Variants in PAPSS2 observed in about 807,000 individuals in gnomAD.
The protein encoded by PAPSS2 is bifunctional 3'-phosphoadenosine 5'-phosphosulfate synthase 2.
In PAPSS2, 61 loss-of-function variants were observed where a neutral mutation model predicts 66.5. The observed-to-expected ratio is 0.92, with a 90% CI of 0.75 to 1.14. The LOEUF is 1.14. PAPSS2 is among the 50% of genes most tolerant of loss of function. The pLI is 0.00. For synonymous variants in PAPSS2, 289 were observed against 287.5 expected (o/e 1.01, Z -0.05); for missense variants, 708 against 789.6 (o/e 0.90, Z 1.24).
chr10:87,722,556 T>C (rs1298821740), intron 8 of PAPSS2, among the ~76,000 whole-genome samples: 1 of 152,158 alleles, frequency 6.6e-6, no homozygotes, highest in African/African-American at 2.4e-5. Context: ...ATAAGCTATC[T>C]CTTGGACTTA....
At chr10:87,690,749 C>G (rs1025979843) in intron 1 of PAPSS2, among the ~76,000 whole-genome samples, 1 of 152,172 alleles carries the variant, frequency 6.6e-6, no homozygotes, top group African/African-American at 2.4e-5. Context: ...TTATTGAGAG[C>G]TTAACTAAGA....
rs10553485 is a variant in PAPSS2 at position 87,736,263 on chromosome 10, CTTTTTTTT to C, written c.1087-4957_1087-4950del. ...TGCCATGTTTTTCTTTTCTTTCTTTCTTTTTTTTTTTTTTTTTTTTTTGAGACAGAGTC... is the reference window on the plus strand; with the variant it reads ...TGCCATGTTTTTCTTTTCTTTCTTTCTTTTTTTTTTTTTTGAGACAGAGTC... On this transcript the variant is annotated intron_variant, in intron 9 of 12. Transcript: ENST00000456849. 6.9e-3 allele frequency among the ~76,000 whole-genome samples: 709 copies of C among 103,236 alleles called. 5 individuals are homozygous for C. The highest frequency in any genetic ancestry group is 0.025 in the African/African-American group (673 of 26,462). 67.7% of individuals were successfully genotyped at this position (103,236 alleles called of 152,430 possible).
At chr10:87,743,937 A>G (rs1209549110) in intron 11 of PAPSS2, among the ~76,000 whole-genome samples, 2 of 152,128 alleles carry the variant, frequency 1.3e-5, no homozygotes, top group Non-Finnish European at 2.9e-5. Context: ...CCCTGTCTCT[A>G]CTAAAAATAC....
At chr10:87,739,222 A>C (rs969396929) in intron 9 of PAPSS2, among the ~76,000 whole-genome samples, 1 of 152,186 alleles carries the variant, frequency 6.6e-6, no homozygotes, top group Non-Finnish European at 1.5e-5. Context: ...ATTCCTTTGC[A>C]TGTGGATATC....
At chr10:87,715,675 C>T in intron 6 of PAPSS2, 57 bp from the exon 7 acceptor site, 1 of 1,084,096 alleles carries the variant, frequency 9.2e-7, no homozygotes, top group East Asian at 2.4e-5. Context: ...TCCCTGGGGC[C>T]AGATGCCTGG....
At chr10:87,717,764 T>A (rs1853549645) in intron 7 of PAPSS2, among the ~76,000 whole-genome samples, 1 of 152,090 alleles carries the variant, frequency 6.6e-6, no homozygotes, top group African/African-American at 2.4e-5. Context: ...AAGGTCTCAC[T>A]ATGTTGCCCA....
Position 87,705,267 on chromosome 10 carries a change from C to T in PAPSS2, c.28-3929C>T, listed in dbSNP as rs553763655. On this transcript the variant is annotated intron_variant, in intron 1 of 12. Transcript: ENST00000456849. ...TATTCCGTGTATTAATAGTCCATTCCTTTTGATTATTGAATAGTATAACCA... is the reference window on the plus strand; with the variant it reads ...TATTCCGTGTATTAATAGTCCATTCTTTTTGATTATTGAATAGTATAACCA... Among the ~76,000 whole-genome samples the T allele has an allele frequency of 1.1e-4, 16 of 152,276 alleles. No homozygotes were observed. In the South Asian group the frequency reaches 3.3e-3, roughly 32 times the overall value.
In PAPSS2 at chr10:87,684,213, C is replaced by G. The variant is rs73340815; in HGVS notation, c.27+24205C>G. ...AATCCTGTTTTGTTTCAATCCTAGTCTTTCCCCTCAGGAGCTAGGTTTTTG... is the reference window on the plus strand; with the variant it reads ...AATCCTGTTTTGTTTCAATCCTAGTGTTTCCCCTCAGGAGCTAGGTTTTTG... On this transcript the variant is annotated intron_variant, in intron 1 of 12. Transcript: ENST00000456849. Among the ~76,000 whole-genome samples, 1,195 of 152,326 alleles carry G rather than the reference C, an allele frequency of 7.8e-3. 19 individuals carry two copies. The highest frequency in any genetic ancestry group is 0.027 in the African/African-American group (1,119 of 41,574).
intron 1 of PAPSS2, among the ~76,000 whole-genome samples, chr10:87,696,726 A>G (rs1853239652): frequency 6.6e-6 from 1 of 152,242 alleles, no homozygotes; most frequent in African/African-American, 2.4e-5. Flanking sequence ...GTGATCACGA[A>G]GGATAAAGAA....
At chr10:87,731,233 A>G (rs1471759561) in intron 9 of PAPSS2, among the ~76,000 whole-genome samples, 7 of 152,198 alleles carry the variant, frequency 4.6e-5, no homozygotes, top group African/African-American at 1.4e-4. Flanking sequence ...CCTGTGCTCT[A>G]TAAATGGAAA....
chr10:87,689,596 G>A (rs1475681349), intron 1 of PAPSS2, among the ~76,000 whole-genome samples: 2 of 150,396 alleles, frequency 1.3e-5, no homozygotes, highest in African/African-American at 4.9e-5. Flanking sequence ...AACCTGGGAG[G>A]TGGAGGTTTG....
chr10:87,714,642 A>C, intron 4 of PAPSS2, 103 bp from the exon 5 acceptor site: 1 of 815,302 alleles, frequency 1.2e-6, no homozygotes, highest in Non-Finnish European at 2.2e-6. Context: ...TAAAGTGTGA[A>C]TTTTCAGTTT....
intron 10 of PAPSS2, 113 bp downstream of exon 10, chr10:87,741,483 C>T (rs189611051): frequency 1.1e-4 from 96 of 888,572 alleles, no homozygotes; most frequent in African/African-American, 1.0e-3. Flanking sequence ...CAACCTCTGC[C>T]TCCCAGGTTC....
In PAPSS2 at chr10:87,706,106, ATATGTG is replaced by A. The variant is rs1304198928; in HGVS notation, c.28-3088_28-3083del. ...ATGGTATATATATATATATATATATATATGTGTGTGTGTGTGTGTGTGTGTGTGTGT... is the reference window on the plus strand; with the variant it reads ...ATGGTATATATATATATATATATATATGTGTGTGTGTGTGTGTGTGTGTGT... On this transcript the variant is annotated intron_variant, in intron 1 of 12. Transcript: ENST00000456849. 9.1e-3 allele frequency among the ~76,000 whole-genome samples: 772 copies of A among 85,270 alleles called. 21 individuals carry two copies. The highest frequency in any genetic ancestry group is 0.048 in the African/African-American group (714 of 14,840). The allele number at this position is 85,270 out of a possible 152,430, so 55.9% of individuals were successfully genotyped here. A position where few individuals can be genotyped will look rare whatever the true frequency, so the allele number is the denominator to read the frequency against.
chr10:87,723,255 G>A (rs145950696), intron 8 of PAPSS2, among the ~76,000 whole-genome samples: 2 of 152,288 alleles, frequency 1.3e-5, no homozygotes, highest in East Asian at 1.9e-4. Context: ...TAGTGACAAC[G>A]ACAGCATTTC....
intron 1 of PAPSS2, among the ~76,000 whole-genome samples, chr10:87,682,544 T>C (rs947530673): frequency 1.3e-5 from 2 of 152,086 alleles, no homozygotes; most frequent in Non-Finnish European, 2.9e-5. Flanking sequence ...TGTAGGATAA[T>C]AACACAGATA....
At chr10:87,687,032 G>T (rs1853097947) in intron 1 of PAPSS2, among the ~76,000 whole-genome samples, 1 of 152,122 alleles carries the variant, frequency 6.6e-6, no homozygotes. Flanking sequence ...ATTGCATGGG[G>T]CATCCTATGT....
At chr10:87,696,222 G>T (rs1452822680) in intron 1 of PAPSS2, among the ~76,000 whole-genome samples, 2 of 152,180 alleles carry the variant, frequency 1.3e-5, no homozygotes, top group Non-Finnish European at 2.9e-5. Context: ...AATATTCTCT[G>T]TCTAATTGCT....
chr10:87,725,884 T>TATAC (rs111245073), intron 8 of PAPSS2, among the ~76,000 whole-genome samples: 1 of 140,352 alleles, frequency 7.1e-6, no homozygotes, highest in African/African-American at 2.7e-5. Flanking sequence ...TATGTGTGTA[T>TATAC]ACACACACAC....
Sources: allele counts gnomAD v4.1 joint callset (sites outside exome capture counted in the v4.1 genomes callset), GRCh38; gene constraint gnomAD v4.1.1; transcripts MANE v1.5; gene names NCBI Gene and HGNC (gene_info 2026-07-23, HGNC 2026-07-21).